Variants in NPM1 observed in about 807,000 individuals in gnomAD.
NPM1 encodes nucleophosmin 1, also known as nucleophosmin.
Under a neutral mutation model 44.1 loss-of-function variants are expected in NPM1, and 1 was observed. The ratio of observed to expected loss-of-function variants is 0.02; its 90% CI spans 0.01 to 0.11. The LOEUF is 0.11. Among genes scored for constraint, NPM1 ranks in the 10% least tolerant of loss-of-function variants. The pLI is 1.00. For missense variants in NPM1, 197 were observed against 347.8 expected (o/e 0.57, Z 3.45); for synonymous variants, 126 against 111.8 (o/e 1.13, Z -0.80).
At chr5:171,402,352 C>G (rs1005476922) in intron 8 of NPM1, among the ~76,000 whole-genome samples, 1 of 151,894 alleles carries the variant, frequency 6.6e-6, no homozygotes, top group African/African-American at 2.4e-5. Context: ...ACTCAAAAAA[C>G]AACAGCTGCT....
intron 4 of NPM1, 116 bp downstream of exon 4, chr5:171,391,915 A>T: frequency 4.1e-6 from 2 of 484,988 alleles, no homozygotes; most frequent in South Asian, 3.2e-5. Context: ...ATAGGTTCCA[A>T]TGTGAGTCTA....
chr5:171,405,237 GAA>G (rs1771499290), intron 8 of NPM1, 63 bp from the exon 9 acceptor site: 1 of 750,522 alleles, frequency 1.3e-6, no homozygotes. Context: ...AATCCAGATA[GAA>G]TGGGTTTTAA....
Position 171,391,918 on chromosome 5 carries a change from T to C in NPM1, c.352+119T>C. On this transcript the variant is annotated intron_variant, in intron 4 of 10. Coordinates refer to ENST00000296930, the MANE Select transcript of NPM1 (RefSeq NM_002520.7). ...ACTGTCTTTTTAATAGGTTCCAATG[T>C]GAGTCTAGAAATTGGAGAGGACAAA... 5.9e-6 allele frequency: 3 copies of C among 509,042 alleles called. No homozygotes were observed. In the South Asian group the frequency reaches 1.0e-4, roughly 18 times the overall value. 31.5% of individuals were successfully genotyped at this position (509,042 alleles called of 1,614,324 possible). A position where few individuals can be genotyped will look rare whatever the true frequency, so the allele number is the denominator to read the frequency against.
rs1219061899 is a variant in NPM1, at chr5:171,407,543, C to T, written c.772-157C>T. ...TAGCCATGCTGCCCAATAGGGCTTT[C>T]TGGCCCTGAAAAAGATACGGAGTAT... On this transcript the variant is annotated intron_variant, in intron 9 of 10. Coordinates refer to ENST00000296930, the MANE Select transcript of NPM1 (RefSeq NM_002520.7). The T allele has an allele frequency of 1.3e-5, 8 of 638,276 alleles. No individual in the cohort carries two copies. In the Admixed American group the frequency reaches 1.9e-4, roughly 15 times the overall value. 39.5% of individuals were successfully genotyped at this position (638,276 alleles called of 1,614,324 possible).
chr5:171,398,328 A>C (rs1771018146), intron 6 of NPM1, among the ~76,000 whole-genome samples: 1 of 152,102 alleles, frequency 6.6e-6, no homozygotes, highest in African/African-American at 2.4e-5. Flanking sequence ...TGTCCTTTAT[A>C]TTTAGGGCTT....
At chr5:171,403,548 G>A (rs1240892978) in intron 8 of NPM1, among the ~76,000 whole-genome samples, 14 of 114,324 alleles carry the variant, frequency 1.2e-4, no homozygotes, top group African/African-American at 2.9e-4. Flanking sequence ...GGTGGTGGCC[G>A]GGCAGAGGGG....
chr5:171,410,630 T>C lies in NPM1; in HGVS notation c.*65T>C. Reference sequence around the variant, plus strand: ...TATTTCATTTCTGTAACAGTTGATATCTGGCTGTCCTTTTTATAATGCAGA... The same window carrying C: ...TATTTCATTTCTGTAACAGTTGATACCTGGCTGTCCTTTTTATAATGCAGA... On this transcript the variant is annotated 3_prime_UTR_variant, in exon 11 of 11. Transcript: ENST00000296930. The C allele has an allele frequency of 3.4e-6, 3 of 893,892 alleles. No homozygotes were observed. The highest frequency in any genetic ancestry group is 5.2e-6 in the Non-Finnish European group (3 of 572,580). The allele number at this position is 893,892 out of a possible 1,614,324, so 55.4% of individuals were successfully genotyped here.
intron 8 of NPM1, 23 bp downstream of exon 8, chr5:171,400,948 G>A: frequency 6.8e-7 from 1 of 1,473,108 alleles, no homozygotes; most frequent in Non-Finnish European, 9.5e-7. Context: ...ATTTACACGT[G>A]GGTCTCATTG....
chr5:171,393,013 G>C (rs770885294), intron 6 of NPM1, 35 bp downstream of exon 6: 3 of 1,591,652 alleles, frequency 1.9e-6, no homozygotes, highest in Non-Finnish European at 2.6e-6. Context: ...TATACTTCCG[G>C]AATCTTGACA....
At chr5:171,404,821 G>A (rs1346409383) in intron 8 of NPM1, among the ~76,000 whole-genome samples, 8 of 151,854 alleles carry the variant, frequency 5.3e-5, no homozygotes, top group African/African-American at 9.7e-5. Context: ...CCGAGATCAC[G>A]CCACTGCACT....
At chr5:171,403,984 G>A (rs1331978547) in intron 8 of NPM1, among the ~76,000 whole-genome samples, 1 of 82,644 alleles carries the variant, frequency 1.2e-5, no homozygotes, top group Non-Finnish European at 2.5e-5. Flanking sequence ...TCTCCCGGAC[G>A]GGGTGGCTGG....
intron 6 of NPM1, among the ~76,000 whole-genome samples, chr5:171,394,646 A>C (rs1308813606): frequency 3.3e-5 from 5 of 152,232 alleles, no homozygotes; most frequent in African/African-American, 1.2e-4. Context: ...TAAGAATTGA[A>C]ATACATTCCA....
chr5:171,388,096 G>C (rs1770353910), intron 1 of NPM1, 90 bp downstream of exon 1: 2 of 1,124,108 alleles, frequency 1.8e-6, no homozygotes, highest in East Asian at 2.5e-5. Context: ...CTGCAACCGG[G>C]TCTGGTGGAG....
intron 9 of NPM1, chr5:171,406,638 T>C: frequency 1.5e-6 from 2 of 1,322,848 alleles, no homozygotes; most frequent in Non-Finnish European, 1.9e-6. Context: ...GCCCTTTGCT[T>C]TCTATTACTT....
intron 2 of NPM1, 27 bp from the exon 3 acceptor site, chr5:171,391,278 G>T (rs1770564427): frequency 6.2e-7 from 1 of 1,604,238 alleles, no homozygotes; most frequent in Non-Finnish European, 8.5e-7. Flanking sequence ...CTCAAAAGTT[G>T]AAGTAGTATT....
intron 2 of NPM1, chr5:171,391,071 T>C (rs1227517896): frequency 2.4e-6 from 1 of 415,802 alleles, no homozygotes; most frequent in Non-Finnish European, 4.3e-6. Flanking sequence ...GCTTACAGTA[T>C]TCAGTACAGT....
At position 171,392,943 on chromosome 5, in the gene NPM1, TGATGAC is replaced by T. The variant is rs1561865841; in HGVS notation, c.495_500del (p.Asp167_Asp168del). 6.2e-7 allele frequency: 1 copy of T among 1,609,128 alleles called. No individual in the cohort carries two copies. Among genetic ancestry groups the T allele is most frequent in the Non-Finnish European group, 8.5e-7 (1 of 1,175,762 alleles). On this transcript the variant is annotated inframe_deletion, in exon 6 of 11. Coordinates refer to ENST00000296930, the MANE Select transcript of NPM1 (RefSeq NM_002520.7). ...AAGTAAAACTTGCTGCTGATGAAGA[TGATGAC>T]GATGATGATGAAGAGGATGATGATG... is the stretch of plus-strand genomic sequence containing the variant.
intron 8 of NPM1, 143 bp downstream of exon 8, chr5:171,401,068 T>C: frequency 1.6e-6 from 1 of 633,672 alleles, no homozygotes; most frequent in Non-Finnish European, 2.8e-6. Context: ...ATCAGCTTGC[T>C]GCAGCCAGGC....
chr5:171,398,819 T>C lies in NPM1; in HGVS notation c.525-1334T>C, dbSNP rs182315799. 2.0e-5 allele frequency among the ~76,000 whole-genome samples: 3 copies of C among 152,334 alleles called. No homozygotes were observed. The East Asian group carries it at 5.8e-4, about 29-fold the overall frequency. On this transcript the variant is annotated intron_variant, in intron 6 of 10. Coordinates refer to ENST00000296930, the MANE Select transcript of NPM1 (RefSeq NM_002520.7). The stretch of plus-strand genomic sequence containing the variant: ...CTGGACTGTTCTGTTGATGTGTCTA[T>C]CCTTAACATGTAAGAACAGTACAAC...
Sources: gnomAD v4.1 joint callset for allele counts (sites outside exome capture counted in the v4.1 genomes callset) on GRCh38, gnomAD v4.1.1 for gene constraint, MANE v1.5 for transcripts, NCBI Gene and HGNC (gene_info 2026-07-23, HGNC 2026-07-21) for gene names.